CADM1: variants seen among roughly 807,000 people sequenced by gnomAD.
CADM1 encodes the protein cell adhesion molecule 1.
Under a neutral mutation model 53.1 loss-of-function variants are expected in CADM1, and 15 were observed. The observed-to-expected ratio is 0.28, with a 90% CI of 0.19 to 0.44. The LOEUF is 0.44. Ranked by LOEUF, CADM1 falls within the 20% of genes least tolerant of loss-of-function variation. The probability of loss-of-function intolerance (pLI) is 1.00; values close to 1 mark genes in which losing one functional copy is unlikely to be tolerated. For synonymous variants in CADM1, 281 were observed against 243.0 expected (o/e 1.16, Z -1.45); for missense variants, 434 against 611.3 (o/e 0.71, Z 3.06).
chr11:115,343,218 A>C (rs918220571), intron 1 of CADM1, among the ~76,000 whole-genome samples: 2 of 152,150 alleles, frequency 1.3e-5, no homozygotes, highest in Non-Finnish European at 2.9e-5. Context: ...AAGGTCAAAC[A>C]ACTAGTAAAA....
intron 3 of CADM1, among the ~76,000 whole-genome samples, chr11:115,237,727 A>C (rs1290562618): frequency 2.0e-5 from 3 of 152,172 alleles, no homozygotes; most frequent in Non-Finnish European, 2.9e-5. Flanking sequence ...TATGCAGTAG[A>C]GTAAGCTTGT....
At chr11:115,324,260 G>C (rs907482650) in intron 1 of CADM1, among the ~76,000 whole-genome samples, 3 of 152,164 alleles carry the variant, frequency 2.0e-5, no homozygotes, top group Admixed American at 2.0e-4. Context: ...AGACTTCTCT[G>C]AACTGCATCA....
intron 1 of CADM1, among the ~76,000 whole-genome samples, chr11:115,478,618 AAAC>A (rs1949188981): frequency 6.6e-6 from 1 of 152,160 alleles, no homozygotes; most frequent in Admixed American, 6.5e-5. Flanking sequence ...CAGAAATTTT[AAAC>A]AATATGCAAA....
chr11:115,381,938 C>T (rs747414334), intron 1 of CADM1, among the ~76,000 whole-genome samples: 44 of 152,050 alleles, frequency 2.9e-4, no homozygotes, highest in Non-Finnish European at 4.3e-4. Context: ...CTCTGCCTCC[C>T]GGGTTCAAGC....
chr11:115,259,269 C>T (rs572702165), intron 1 of CADM1, among the ~76,000 whole-genome samples: 19 of 144,424 alleles, frequency 1.3e-4, no homozygotes, highest in East Asian at 2.1e-4. Flanking sequence ...TACAGGCGTG[C>T]GCCACCGCAC....
intron 1 of CADM1, among the ~76,000 whole-genome samples, chr11:115,392,725 A>T (rs1946868410): frequency 1.3e-5 from 2 of 152,170 alleles, no homozygotes; most frequent in South Asian, 4.1e-4. Context: ...TCCAGCCAGG[A>T]GGAAGGAAAT....
intron 1 of CADM1, among the ~76,000 whole-genome samples, chr11:115,476,617 C>T (rs989861619): frequency 3.9e-5 from 6 of 152,156 alleles, no homozygotes; most frequent in African/African-American, 9.7e-5. Flanking sequence ...GCATAATTTA[C>T]ACTAAGAAAA....
chr11:115,372,389 T>C (rs1946330317), intron 1 of CADM1, among the ~76,000 whole-genome samples: 1 of 152,126 alleles, frequency 6.6e-6, no homozygotes, highest in East Asian at 1.9e-4. Flanking sequence ...AAGAGTGTGC[T>C]TTATAACAGA....
rs1046878262 is a variant in CADM1, at chr11:115,172,649, C to A, written c.*3825G>T. 6.6e-6 allele frequency: 1 copy of A among 151,850 alleles called. No individual in the cohort carries two copies. The highest frequency in any genetic ancestry group is 2.4e-5 in the African/African-American group (1 of 41,268). 9.4% of individuals were successfully genotyped at this position (151,850 alleles called of 1,614,324 possible). On this transcript the variant is annotated 3_prime_UTR_variant, in exon 12 of 12. Transcript: ENST00000331581. ...ATGTAACTGATGCTCTACTTGGCCT[C>A]CAGAGACCGCCTTATACTTCTCTGC...
At chr11:115,503,280 A>G (rs1038728157) in intron 1 of CADM1, among the ~76,000 whole-genome samples, 2 of 152,146 alleles carry the variant, frequency 1.3e-5, no homozygotes, top group African/African-American at 2.4e-5. Context: ...GCAGCCACAC[A>G]TCGGGCTCCA....
chr11:115,379,669 G>T (rs1253743362), intron 1 of CADM1, among the ~76,000 whole-genome samples: 1 of 152,138 alleles, frequency 6.6e-6, no homozygotes, highest in Non-Finnish European at 1.5e-5. Flanking sequence ...ATGAAGACAT[G>T]TTAAATTATT....
intron 1 of CADM1, among the ~76,000 whole-genome samples, chr11:115,345,873 ATTTTT>A (rs775121619): frequency 6.6e-6 from 1 of 151,984 alleles, no homozygotes; most frequent in Non-Finnish European, 1.5e-5. Context: ...TTTCAACTTG[ATTTTT>A]TTTAACTCTA....
intron 5 of CADM1, among the ~76,000 whole-genome samples, chr11:115,228,641 T>A (rs1170335797): frequency 6.6e-6 from 1 of 152,172 alleles, no homozygotes; most frequent in Non-Finnish European, 1.5e-5. Context: ...CCATCAAGAT[T>A]GTGGCAATGA....
At chr11:115,407,247 T>C (rs563084208) in intron 1 of CADM1, among the ~76,000 whole-genome samples, 1 of 152,306 alleles carries the variant, frequency 6.6e-6, no homozygotes, top group East Asian at 1.9e-4. Flanking sequence ...GTGCTATTGG[T>C]TGATAATGTT....
At chr11:115,312,334 C>T (rs1246153818) in intron 1 of CADM1, among the ~76,000 whole-genome samples, 4 of 152,142 alleles carry the variant, frequency 2.6e-5, no homozygotes, top group Non-Finnish European at 5.9e-5. Context: ...AATATCACCA[C>T]TAGAGAGGTG....
Position 115,178,931 on chromosome 11 carries a change from G to A in CADM1, c.1166-156C>T, listed in dbSNP as rs2134585859. ...GGATCAAGTTACACTGAGGTAACAG[G>A]CTGACCTGTCCAGTGCTGAATCGAT... On this transcript the variant is annotated intron_variant, in intron 10 of 11. Transcript: ENST00000331581. The A allele has an allele frequency of 5.0e-6, 4 of 794,020 alleles. No homozygotes were observed. The East Asian group carries it at 8.0e-5, about 16-fold the overall frequency. The allele number at this position is 794,020 out of a possible 1,614,324, so 49.2% of individuals were successfully genotyped here.
At chr11:115,478,275 A>G (rs938485511) in intron 1 of CADM1, among the ~76,000 whole-genome samples, 72 of 152,312 alleles carry the variant, frequency 4.7e-4, no homozygotes, top group African/African-American at 1.7e-3. Context: ...AGCATACTCA[A>G]TAGCAACTAA....
chr11:115,234,046 G>A (rs1308581260), intron 3 of CADM1, among the ~76,000 whole-genome samples: 1 of 152,168 alleles, frequency 6.6e-6, no homozygotes, highest in East Asian at 1.9e-4. Context: ...ACTCCTCTAT[G>A]TATCTCTGTT....
chr11:115,187,497 C>T (rs1939620316), intron 10 of CADM1, among the ~76,000 whole-genome samples: 2 of 152,150 alleles, frequency 1.3e-5, no homozygotes, highest in Non-Finnish European at 2.9e-5. Flanking sequence ...GGCGTCATCT[C>T]GGCTTACTGC....
Sources: gnomAD v4.1 joint callset for allele counts (sites outside exome capture counted in the v4.1 genomes callset) on GRCh38, gnomAD v4.1.1 for gene constraint, MANE v1.5 for transcripts, NCBI Gene and HGNC (gene_info 2026-07-23, HGNC 2026-07-21) for gene names.